TDRD10: variants seen among roughly 807,000 people sequenced by gnomAD.
TDRD10 encodes the protein tudor domain containing 10.
Under a neutral mutation model 48.0 loss-of-function variants are expected in TDRD10, and 40 were observed. The ratio of observed to expected loss-of-function variants is 0.83; its 90% CI spans 0.65 to 1.09. TDRD10 has a LOEUF of 1.09. Among genes scored for constraint, TDRD10 ranks in the 50% least tolerant of loss-of-function variants. The pLI is 0.00. For synonymous variants in TDRD10, 162 were observed against 170.4 expected (o/e 0.95, Z 0.38); for missense variants, 378 against 434.7 (o/e 0.87, Z 1.16).
chr1:154,527,645 GA>G (rs1389975282), intron 6 of TDRD10, among the ~76,000 whole-genome samples: 1 of 150,560 alleles, frequency 6.6e-6, no homozygotes, highest in African/African-American at 2.4e-5. Flanking sequence ...AGCATCAGGT[GA>G]AAAAAAAAGA....
At chr1:154,537,522 CAGTTCCCCAGGTTG>C (rs1694985054) in intron 6 of TDRD10, among the ~76,000 whole-genome samples, 1 of 152,226 alleles carries the variant, frequency 6.6e-6, no homozygotes, top group Non-Finnish European at 1.5e-5. Context: ...TTCCCAGGTG[CAGTTCCCCAGGTTG>C]GTGGAGGTGA....
At chr1:154,507,561 T>C (rs1224331980) in intron 3 of TDRD10, among the ~76,000 whole-genome samples, 1 of 152,098 alleles carries the variant, frequency 6.6e-6, no homozygotes, top group African/African-American at 2.4e-5. Context: ...CGTGCTTCTG[T>C]TTCATTTGTG....
intron 6 of TDRD10, among the ~76,000 whole-genome samples, chr1:154,524,095 T>C (rs766974273): frequency 3.9e-5 from 6 of 152,244 alleles, no homozygotes; most frequent in East Asian, 1.9e-4. Flanking sequence ...AACATTTGAG[T>C]CATTTGTGGA....
chr1:154,510,867 A>T, intron 4 of TDRD10, among the ~76,000 whole-genome samples: 1 of 151,476 alleles, frequency 6.6e-6, no homozygotes, highest in East Asian at 2.0e-4. Context: ...TAACACGGTG[A>T]AACCCTGTCT....
intron 7 of TDRD10, among the ~76,000 whole-genome samples, chr1:154,542,509 C>T (rs1181549822): frequency 6.6e-6 from 1 of 152,136 alleles, no homozygotes; most frequent in Non-Finnish European, 1.5e-5. Context: ...ATTACAGGTG[C>T]AAGCCACCAT....
At chr1:154,520,396 T>C in intron 5 of TDRD10, 22 bp downstream of exon 5, 1 of 1,602,222 alleles carries the variant, frequency 6.2e-7, no homozygotes, top group Non-Finnish European at 8.6e-7. Context: ...TCTTTCTTTG[T>C]TTTCTTTGGG....
chr1:154,506,759 G>T (rs1693174938), intron 1 of TDRD10, 118 bp from the exon 2 acceptor site: 2 of 836,556 alleles, frequency 2.4e-6, no homozygotes, highest in African/African-American at 1.7e-5. Context: ...TAGGGATTAG[G>T]ATGTGGACCA....
chr1:154,519,626 G>A (rs1341306642), intron 4 of TDRD10, among the ~76,000 whole-genome samples: 2 of 152,156 alleles, frequency 1.3e-5, no homozygotes, highest in Non-Finnish European at 2.9e-5. Flanking sequence ...AGGAGGGAGT[G>A]GGCAGGGAGG....
intron 6 of TDRD10, chr1:154,534,612 G>T (rs1371515667): frequency 6.6e-6 from 1 of 152,206 alleles, no homozygotes; most frequent in East Asian, 1.9e-4. Flanking sequence ...AAGGTCAGTC[G>T]TTGTTGTTAT....
intron 4 of TDRD10, among the ~76,000 whole-genome samples, chr1:154,511,391 T>C (rs1165280037): frequency 6.6e-6 from 1 of 151,890 alleles, no homozygotes; most frequent in East Asian, 1.9e-4. Context: ...CCCAGCACTT[T>C]GGGAGGCCGA....
chr1:154,505,180 G>C (rs1693074991), intron 1 of TDRD10, among the ~76,000 whole-genome samples: 1 of 152,204 alleles, frequency 6.6e-6, no homozygotes, highest in African/African-American at 2.4e-5. Context: ...TATCATCTCT[G>C]CATCTCCGGG....
intron 4 of TDRD10, chr1:154,509,674 G>A (rs1056991876): frequency 5.5e-5 from 14 of 256,524 alleles, no homozygotes; most frequent in African/African-American, 2.8e-4. Context: ...TGTTATTGGA[G>A]CATAGTAAAT....
intron 6 of TDRD10, among the ~76,000 whole-genome samples, chr1:154,527,815 G>A (rs992943141): frequency 2.6e-5 from 4 of 152,130 alleles, no homozygotes; most frequent in Non-Finnish European, 5.9e-5. Context: ...ATGGCCTACT[G>A]CCCATTTTTA....
chr1:154,547,319 C>G, intron 11 of TDRD10, 90 bp from the exon 12 acceptor site: 1 of 1,418,046 alleles, frequency 7.1e-7, no homozygotes, highest in South Asian at 1.2e-5. Flanking sequence ...AGAGCACTTT[C>G]CCTGCAGCCC....
At chr1:154,510,907 A>G (rs911181455) in intron 4 of TDRD10, among the ~76,000 whole-genome samples, 5 of 151,214 alleles carry the variant, frequency 3.3e-5, no homozygotes, top group Non-Finnish European at 4.4e-5. Context: ...TTAGCGGGGC[A>G]TGGTGGTGGG....
chr1:154,538,418 C>T (rs1695035327), intron 6 of TDRD10, among the ~76,000 whole-genome samples: 1 of 151,728 alleles, frequency 6.6e-6, no homozygotes, highest in Non-Finnish European at 1.5e-5. Flanking sequence ...GGTATGGTGG[C>T]GCATGCCTGT....
At chr1:154,544,624 T>G (rs1395936315) in intron 10 of TDRD10, 107 bp downstream of exon 10, 1 of 1,487,334 alleles carries the variant, frequency 6.7e-7, no homozygotes, top group Admixed American at 2.4e-5. Context: ...TGTGGCTTCT[T>G]CTCTCAAAAT....
At chr1:154,540,150 C>T (rs1695142767) in intron 6 of TDRD10, among the ~76,000 whole-genome samples, 1 of 152,200 alleles carries the variant, frequency 6.6e-6, no homozygotes, top group African/African-American at 2.4e-5. Flanking sequence ...AAAAAGATCA[C>T]AGTCCTCAGG....
intron 1 of TDRD10, 145 bp downstream of exon 1, chr1:154,503,174 C>A (rs373198891): frequency 4.2e-4 from 64 of 152,394 alleles, no homozygotes; most frequent in African/African-American, 1.3e-3. Flanking sequence ...TCGCTCGCGC[C>A]GGTTGGGAGC....
Sources: allele counts gnomAD v4.1 joint callset (sites outside exome capture counted in the v4.1 genomes callset), GRCh38; gene constraint gnomAD v4.1.1; transcripts MANE v1.5; gene names NCBI Gene and HGNC (gene_info 2026-07-23, HGNC 2026-07-21).